The following CHST11 variants were observed in gnomAD, a reference collection of about 807,000 sequenced individuals.
CHST11 encodes carbohydrate sulfotransferase 11.
In CHST11, 9 loss-of-function variants were observed where a neutral mutation model predicts 30.4. That is an observed-to-expected ratio of 0.30 (90% CI 0.18 to 0.52). The LOEUF (loss-of-function observed/expected upper bound fraction) is 0.52, where lower values mean the gene tolerates loss of function less well. Ranked by LOEUF, CHST11 falls within the 20% of genes least tolerant of loss-of-function variation. CHST11 has a pLI of 0.97. For missense variants in CHST11, 348 were observed against 460.6 expected (o/e 0.76, Z 2.24); for synonymous variants, 152 against 187.8 (o/e 0.81, Z 1.56).
intron 2 of CHST11, among the ~76,000 whole-genome samples, chr12:104,633,412 C>CTTTTTTTT (rs34686417): frequency 8.9e-5 from 10 of 111,878 alleles, no homozygotes; most frequent in African/African-American, 1.4e-4. Context: ...CTCCCTCTGT[C>CTTTTTTTT]TTTTTTTTTT....
intron 2 of CHST11, among the ~76,000 whole-genome samples, chr12:104,644,683 G>C (rs963343124): frequency 2.0e-5 from 3 of 152,116 alleles, no homozygotes; most frequent in African/African-American, 7.3e-5. Context: ...CTGGCAGGCA[G>C]AGTGCAGCTG....
chr12:104,706,402 A>ACAGATAG (rs2136117177), intron 2 of CHST11, among the ~76,000 whole-genome samples: 1 of 134,278 alleles, frequency 7.4e-6, no homozygotes, highest in South Asian at 2.7e-4. Flanking sequence ...ACAAACAAAA[A>ACAGATAG]CAGATAGGTA....
intron 1 of CHST11, among the ~76,000 whole-genome samples, chr12:104,490,812 T>C (rs1189485914): frequency 6.6e-6 from 1 of 152,192 alleles, no homozygotes. Flanking sequence ...AGAGACAATA[T>C]TTTGATCTCA....
In CHST11 at chr12:104,676,860, C is replaced by T. The variant is rs768955469; in HGVS notation, c.204+74869C>T. 3.9e-5 allele frequency among the ~76,000 whole-genome samples: 6 copies of T among 152,192 alleles called. No individual in the cohort carries two copies. The highest frequency in any genetic ancestry group is 5.9e-5 in the Non-Finnish European group (4 of 68,040). On this transcript the variant is annotated intron_variant, in intron 2 of 2. Coordinates refer to ENST00000303694, the MANE Select transcript of CHST11 (RefSeq NM_018413.6). This position sits in a 1 kb window ranked among gnomAD's most constrained non-coding sequence, Gnocchi z 4.4. ...AGGGATTAGGATGCGGCCTTTTGGG[C>T]GTGTCATTCTGCCTAGCACAGATGG...
At chr12:104,684,256 GTGGATGGA>G (rs71069772) in intron 2 of CHST11, among the ~76,000 whole-genome samples, 70,696 of 147,866 alleles carry the variant, frequency 0.48, 17,804 homozygotes, top group Non-Finnish European at 0.57. Context: ...GGTACAAAAT[GTGGATGGA>G]TGGATGGATG....
intron 2 of CHST11, among the ~76,000 whole-genome samples, chr12:104,613,819 G>A (rs1339412370): frequency 6.6e-6 from 1 of 152,154 alleles, no homozygotes; most frequent in African/African-American, 2.4e-5. Flanking sequence ...GACAAATACC[G>A]CATGATCTCA....
chr12:104,644,319 G>A (rs1337186394), intron 2 of CHST11, among the ~76,000 whole-genome samples: 1 of 152,142 alleles, frequency 6.6e-6, no homozygotes, highest in Non-Finnish European at 1.5e-5. Context: ...ACTCTCCACC[G>A]CTTATGATTC....
intron 1 of CHST11, among the ~76,000 whole-genome samples, chr12:104,521,749 C>T (rs2135988497): frequency 6.6e-6 from 1 of 152,308 alleles, no homozygotes; most frequent in African/African-American, 2.4e-5. Flanking sequence ...ATTCTATGCC[C>T]ACTGAGGAAA....
At chr12:104,552,535 G>A (rs1469780884) in intron 1 of CHST11, 1 of 152,182 alleles carries the variant, frequency 6.6e-6, no homozygotes, top group Non-Finnish European at 1.5e-5. Context: ...CAAACTCCTG[G>A]GCTCAAGTGA....
chr12:104,484,100 T>A (rs951335664), intron 1 of CHST11, among the ~76,000 whole-genome samples: 4 of 152,234 alleles, frequency 2.6e-5, no homozygotes, highest in Non-Finnish European at 5.9e-5. Context: ...GGAATGAGAT[T>A]AGATGGCATC....
chr12:104,531,620 G>T (rs574838296), intron 1 of CHST11, among the ~76,000 whole-genome samples: 2 of 152,036 alleles, frequency 1.3e-5, no homozygotes, highest in Admixed American at 6.5e-5. Flanking sequence ...TTCTCCCTGA[G>T]ATCTCTCTTG....
intron 1 of CHST11, among the ~76,000 whole-genome samples, chr12:104,466,544 T>A (rs1434277531): frequency 6.6e-6 from 1 of 152,216 alleles, no homozygotes; most frequent in Non-Finnish European, 1.5e-5. Flanking sequence ...ATCTGCTTTC[T>A]AAATCTCAAG....
rs1431578983 is a variant in CHST11, at chr12:104,544,137, AAAAAG to A, written c.119-57765_119-57761del. ...AGACCCTGTCTGTTAAAAAAAAAAA[AAAAAG>A]AAAGAAAGAAAGAAAGAAAGAAAGA... On this transcript the variant is annotated intron_variant, in intron 1 of 2. Transcript: ENST00000303694. Among the ~76,000 whole-genome samples, 173 of 37,714 alleles carry A rather than the reference AAAAAG, an allele frequency of 4.6e-3. 3 individuals are homozygous for A. Among genetic ancestry groups the A allele is most frequent in the African/African-American group, 0.012 (161 of 13,294 alleles). The allele number at this position is 37,714 out of a possible 152,430, so 24.7% of individuals were successfully genotyped here.
intron 1 of CHST11, among the ~76,000 whole-genome samples, chr12:104,513,145 T>TGGGGGGGGG (rs1565969854): frequency 5.3e-4 from 4 of 7,612 alleles, no homozygotes; most frequent in African/African-American, 2.0e-3. Context: ...GGGTTGGGGG[T>TGGGGGGGGG]GGGGAGGGAG....
rs1239444635 is a variant in CHST11 at position 104,578,547 on chromosome 12, GTC to G, written c.119-23353_119-23352del. ...GATGAGAGCGCTGGGTCCGTTGGCT[GTC>G]TCTCTGGGATGACAGCACGAGTTGA... On this transcript the variant is annotated intron_variant, in intron 1 of 2. Transcript: ENST00000303694. Among the ~76,000 whole-genome samples the G allele has an allele frequency of 2.6e-5, 4 of 152,282 alleles. No homozygotes were observed. In the South Asian group the frequency reaches 8.3e-4, roughly 32 times the overall value.
intron 1 of CHST11, among the ~76,000 whole-genome samples, chr12:104,593,222 C>A (rs1003839588): frequency 6.6e-6 from 1 of 152,130 alleles, no homozygotes; most frequent in Non-Finnish European, 1.5e-5. Flanking sequence ...GAGGCCAACA[C>A]GGGAATGGCT....
intron 1 of CHST11, among the ~76,000 whole-genome samples, chr12:104,579,940 C>T (rs975911245): frequency 3.9e-5 from 6 of 152,216 alleles, no homozygotes; most frequent in African/African-American, 1.4e-4. Context: ...GTACTCTCCA[C>T]CAGCTTTGGT....
intron 2 of CHST11, among the ~76,000 whole-genome samples, chr12:104,700,580 TC>T (rs1407668206): frequency 1.3e-5 from 2 of 152,210 alleles, no homozygotes; most frequent in African/African-American, 4.8e-5. Flanking sequence ...AGTAATTAGC[TC>T]CTGTGTAAGA....
At chr12:104,569,654 T>G (rs552556430) in intron 1 of CHST11, among the ~76,000 whole-genome samples, 1 of 152,278 alleles carries the variant, frequency 6.6e-6, no homozygotes, top group East Asian at 1.9e-4. Context: ...GCTAGGAATT[T>G]GGGGCCCAGA....
Sources: gnomAD v4.1 joint callset for allele counts (sites outside exome capture counted in the v4.1 genomes callset) on GRCh38, gnomAD v4.1.1 for gene constraint, Gnocchi (gnomAD v3.1) non-coding constraint, MANE v1.5 for transcripts, NCBI Gene and HGNC (gene_info 2026-07-23, HGNC 2026-07-21) for gene names.